The following NLRP11 variants were observed in gnomAD, a reference collection of about 807,000 sequenced individuals.
The protein encoded by NLRP11 is NLR family pyrin domain containing 11.
A neutral mutation model predicts 79.3 loss-of-function variants in NLRP11; 53 were observed. That is an observed-to-expected ratio of 0.67 (90% CI 0.54 to 0.84). The LOEUF is 0.84. NLRP11 is among the 40% of genes least tolerant of loss of function. The pLI is 0.00. For missense variants in NLRP11, 1,264 were observed against 1,255.0 expected, an observed-to-expected ratio of 1.01 and a Z score of -0.11; for synonymous variants, 518 against 462.6, an observed-to-expected ratio of 1.12 and a Z score of -1.54.
exon 10 of NLRP11, chr19:55,785,541 C>G: frequency 9.8e-7 from 1 of 1,023,338 alleles, no homozygotes. Context: ...ACACACACAT[C>G]AAATAGGAAA....
chr19:55,820,374 C>G (rs1052932340), intron 1 of NLRP11, among the ~76,000 whole-genome samples: 1 of 152,122 alleles, frequency 6.6e-6, no homozygotes, highest in African/African-American at 2.4e-5. Flanking sequence ...GAAGACAAAC[C>G]CTGGGGCACA....
intron 1 of NLRP11, among the ~76,000 whole-genome samples, chr19:55,829,503 T>G (rs1041989519): frequency 1.3e-5 from 2 of 151,786 alleles, no homozygotes; most frequent in Non-Finnish European, 2.9e-5. Context: ...TTGTCTCTAC[T>G]AAAAGTACAA....
At chr19:55,822,569 G>A (rs1180316404) in intron 1 of NLRP11, among the ~76,000 whole-genome samples, 1 of 152,082 alleles carries the variant, frequency 6.6e-6, no homozygotes, top group Non-Finnish European at 1.5e-5. Flanking sequence ...CCGTGCGCGA[G>A]CCGAAGCAGG....
At chr19:55,797,044 C>T (rs200994466) in intron 5 of NLRP11, among the ~76,000 whole-genome samples, 6 of 151,968 alleles carry the variant, frequency 3.9e-5, no homozygotes, top group African/African-American at 1.5e-4. Flanking sequence ...CTCACTCTCC[C>T]TCAAGTCCAC....
intron 1 of NLRP11, 151 bp from the exon 2 acceptor site, chr19:55,818,387 G>T: frequency 1.8e-6 from 1 of 548,112 alleles, no homozygotes; most frequent in South Asian, 2.5e-5. Context: ...CTGGGTCAAT[G>T]GCCTTGTCGA....
chr19:55,810,278 T>C (rs1441521071), exon 3 of NLRP11: 1 of 1,613,998 alleles, frequency 6.2e-7, no homozygotes, highest in African/African-American at 1.3e-5. Context: ...TCCAAAAGTG[T>C]GACTTTCCCA....
intron 1 of NLRP11, among the ~76,000 whole-genome samples, chr19:55,829,734 A>T (rs146913023): frequency 4.8e-4 from 73 of 152,220 alleles, no homozygotes; most frequent in African/African-American, 1.7e-3. Flanking sequence ...GCGTTTACAG[A>T]AGTATGAACT....
At chr19:55,807,808 T>C (rs764463309) in intron 4 of NLRP11, 45 bp downstream of exon 4, 31 of 1,374,096 alleles carry the variant, frequency 2.3e-5, no homozygotes, top group Non-Finnish European at 6.0e-6. Flanking sequence ...AGACCACCGT[T>C]ATTCCTAGGG....
chr19:55,824,858 CAG>C (rs1408677018), intron 1 of NLRP11, among the ~76,000 whole-genome samples: 1 of 95,136 alleles, frequency 1.1e-5, no homozygotes, highest in Non-Finnish European at 1.8e-5. Context: ...ATCAACGAGA[CAG>C]AAAGTCAACA....
chr19:55,794,617 A>G (rs531841525), intron 6 of NLRP11, among the ~76,000 whole-genome samples: 13 of 152,186 alleles, frequency 8.5e-5, no homozygotes, highest in Admixed American at 5.2e-4. Flanking sequence ...AAAATTAGCC[A>G]GGCGTGGTGG....
At chr19:55,818,080 C>G in exon 2 of NLRP11, 1 of 1,614,002 alleles carries the variant, frequency 6.2e-7, no homozygotes, top group East Asian at 2.2e-5. Context: ...AAGAATCTTG[C>G]GTGCCAGATA....
intron 2 of NLRP11, among the ~76,000 whole-genome samples, chr19:55,815,295 G>A (rs1292825971): frequency 6.6e-6 from 1 of 152,056 alleles, no homozygotes; most frequent in Non-Finnish European, 1.5e-5. Flanking sequence ...TTGGGAGGCC[G>A]AGGCGGGCGG....
intron 2 of NLRP11, among the ~76,000 whole-genome samples, chr19:55,812,152 G>T (rs947136628): frequency 6.6e-6 from 1 of 151,962 alleles, no homozygotes; most frequent in African/African-American, 2.4e-5. Context: ...GCATATGTAC[G>T]GATAACCCAG....
chr19:55,795,078 A>G (rs1978695449), intron 6 of NLRP11, among the ~76,000 whole-genome samples: 1 of 152,092 alleles, frequency 6.6e-6, no homozygotes, highest in Admixed American at 6.6e-5. Context: ...TTGTTTTCTG[A>G]CCATGTTTTA....
intron 2 of NLRP11, among the ~76,000 whole-genome samples, chr19:55,817,393 G>A (rs573753777): frequency 5.0e-4 from 76 of 152,020 alleles, no homozygotes; most frequent in African/African-American, 9.9e-4. Flanking sequence ...GGCACAATTC[G>A]CAATTGCAAA....
At chr19:55,819,128 C>CACAG (rs1568641595) in intron 1 of NLRP11, among the ~76,000 whole-genome samples, 2 of 5,368 alleles carry the variant, frequency 3.7e-4, no homozygotes, top group African/African-American at 6.8e-3. Context: ...GTATCGCCTA[C>CACAG]ACACACACAC....
At chr19:55,804,159 T>G (rs1459767562) in intron 4 of NLRP11, among the ~76,000 whole-genome samples, 1 of 152,194 alleles carries the variant, frequency 6.6e-6, no homozygotes, top group African/African-American at 2.4e-5. Context: ...GTTCCCACTG[T>G]TGGTGGGAGT....
intron 1 of NLRP11, among the ~76,000 whole-genome samples, chr19:55,823,081 GCCT>G (rs1336620072): frequency 2.0e-5 from 3 of 147,760 alleles, no homozygotes; most frequent in Admixed American, 6.7e-5. Context: ...CCAGCAGACT[GCCT>G]CCTCAAGTGG....
At chr19:55,810,109 C>T (rs564543792) in exon 3 of NLRP11, 1 of 1,614,198 alleles carries the variant, frequency 6.2e-7, no homozygotes, top group Admixed American at 1.7e-5. Flanking sequence ...TCCACCTCAA[C>T]ACAGCCAGAT....
Sources: gnomAD v4.1 joint callset for allele counts (sites outside exome capture counted in the v4.1 genomes callset) on GRCh38, gnomAD v4.1.1 for gene constraint, MANE v1.5 for transcripts, NCBI Gene and HGNC (gene_info 2026-07-23, HGNC 2026-07-21) for gene names.